ACOT12: variants seen among roughly 807,000 people sequenced by gnomAD.
ACOT12 encodes the protein acyl-CoA thioesterase 12.
In ACOT12, 51 loss-of-function variants were observed where a neutral mutation model predicts 67.7. The ratio of observed to expected loss-of-function variants is 0.75; its 90% CI spans 0.60 to 0.95. The LOEUF (loss-of-function observed/expected upper bound fraction) is 0.95, where lower values mean the gene tolerates loss of function less well. Among genes scored for constraint, ACOT12 ranks in the 40% least tolerant of loss-of-function variants. The probability of loss-of-function intolerance (pLI) is 0.00; values close to 1 mark genes in which losing one functional copy is unlikely to be tolerated. For missense variants in ACOT12, 734 were observed against 708.1 expected (o/e 1.04, Z -0.41); for synonymous variants, 251 against 244.6 (o/e 1.03, Z -0.24).
intron 5 of ACOT12, among the ~76,000 whole-genome samples, chr5:81,355,861 G>T (rs1291105554): frequency 6.6e-6 from 1 of 152,194 alleles, no homozygotes; most frequent in East Asian, 1.9e-4. Context: ...CTTGAGAGAA[G>T]TGAGTTCCTG....
At chr5:81,317,276 C>A in the ACOT12 span, among the ~76,000 whole-genome samples, 8 of 152,104 alleles carry the variant, frequency 5.3e-5, no homozygotes, top group Middle Eastern at 6.8e-3. Context: ...CTAAGGTGGG[C>A]GGATCACCTG....
At chr5:81,376,823 G>A (rs1760430309) in intron 2 of ACOT12, among the ~76,000 whole-genome samples, 2 of 152,126 alleles carry the variant, frequency 1.3e-5, no homozygotes, top group African/African-American at 4.8e-5. Flanking sequence ...CCAATGACAA[G>A]TTCTGAAATT....
chr5:81,336,903 C>T (rs188102161), intron 11 of ACOT12, among the ~76,000 whole-genome samples: 29 of 152,222 alleles, frequency 1.9e-4, no homozygotes, highest in Admixed American at 8.5e-4. Context: ...ACAAGCTGCT[C>T]AGAAAGGAAA....
At chr5:81,386,995 AT>A (rs869281800) in intron 1 of ACOT12, among the ~76,000 whole-genome samples, 1,693 of 81,272 alleles carry the variant, frequency 0.021, 4 homozygotes, top group East Asian at 0.047. Context: ...GATGAGTTCC[AT>A]TTTTTTTTTT....
intron 2 of ACOT12, among the ~76,000 whole-genome samples, chr5:81,376,287 C>G (rs1760409428): frequency 6.6e-6 from 1 of 151,786 alleles, no homozygotes; most frequent in African/African-American, 2.4e-5. Flanking sequence ...TTATTTGAAA[C>G]CAATGAGAAC....
At chr5:81,351,897 C>T (rs1759563353) in intron 5 of ACOT12, among the ~76,000 whole-genome samples, 1 of 152,100 alleles carries the variant, frequency 6.6e-6, no homozygotes, top group Admixed American at 6.5e-5. Flanking sequence ...GGAGCTTAAA[C>T]AGCACTATAG....
chr5:81,358,059 A>C (rs1759780099), intron 5 of ACOT12, among the ~76,000 whole-genome samples: 1 of 151,282 alleles, frequency 6.6e-6, no homozygotes, highest in African/African-American at 2.4e-5. Context: ...CTGTATTTTG[A>C]CATTGTCAAT....
chr5:81,313,739 T>A, the ACOT12 span, among the ~76,000 whole-genome samples: 4 of 152,228 alleles, frequency 2.6e-5, no homozygotes, highest in Non-Finnish European at 2.9e-5. Flanking sequence ...GCAAAATATT[T>A]ACCAAATAAG....
chr5:81,311,567 CCAATT>C, the ACOT12 span, among the ~76,000 whole-genome samples: 4 of 151,964 alleles, frequency 2.6e-5, no homozygotes, highest in East Asian at 7.7e-4. Context: ...TATAATAGAG[CCAATT>C]CTGTTACTTA....
intron 5 of ACOT12, among the ~76,000 whole-genome samples, chr5:81,355,515 A>G (rs75271732): frequency 0.042 from 6,331 of 152,334 alleles, 415 homozygotes; most frequent in African/African-American, 0.14. Flanking sequence ...AAATCAAAAC[A>G]ATTGAACTCA....
chr5:81,344,973 A>G lies in ACOT12; in HGVS notation c.842T>C (p.Ile281Thr), dbSNP rs766823240. ...QEWAEGRGRHINSAFLIYNAA... is the reference protein window; with the variant it reads ...QEWAEGRGRHTNSAFLIYNAA... ...ATTGTAAATGAGAAAAGCACTGTTGATGTGACGCCCTCGGCCCTCGGCCCA... is the reference window on the plus strand; with the variant it reads ...ATTGTAAATGAGAAAAGCACTGTTGGTGTGACGCCCTCGGCCCTCGGCCCA... The change falls in exon 8 of 15, where the codon ATC becomes ACC. Residue 281 changes from isoleucine to threonine, a missense_variant. Coordinates refer to ENST00000307624, the MANE Select transcript of ACOT12 (RefSeq NM_130767.3). The G allele has an allele frequency of 6.2e-7, 1 of 1,614,192 alleles. No individual in the cohort carries two copies. The highest frequency in any genetic ancestry group is 8.5e-7 in the Non-Finnish European group (1 of 1,180,034).
At chr5:81,333,752 G>C (rs1158537659) in intron 12 of ACOT12, among the ~76,000 whole-genome samples, 3 of 151,980 alleles carry the variant, frequency 2.0e-5, no homozygotes, top group African/African-American at 7.3e-5. Context: ...CATTAACCAC[G>C]ATGTATCATT....
intron 1 of ACOT12, among the ~76,000 whole-genome samples, chr5:81,387,921 T>C (rs1760773577): frequency 1.3e-5 from 2 of 152,164 alleles, no homozygotes; most frequent in South Asian, 4.1e-4. Flanking sequence ...TTATTGTTTA[T>C]ATTGGGTATC....
rs188632446 is a variant in ACOT12 at position 81,346,006 on chromosome 5, T to G, written c.654-2A>C. The G allele has an allele frequency of 7.4e-6, 12 of 1,613,458 alleles. No homozygotes were observed. In the East Asian group the frequency reaches 2.5e-4, roughly 33 times the overall value. On this transcript the variant is annotated splice_acceptor_variant, in intron 6 of 14. Coordinates refer to ENST00000307624, the MANE Select transcript of ACOT12 (RefSeq NM_130767.3). LOFTEE classifies it high-confidence loss of function. ...AAGGGATGAGCCCAACACAGGCGGC[T>G]GGGGAGACAAAGGGAGGGAGAGAGA...
chr5:81,358,885 T>C (rs1413248231), intron 5 of ACOT12, among the ~76,000 whole-genome samples: 1 of 151,942 alleles, frequency 6.6e-6, no homozygotes, highest in Non-Finnish European at 1.5e-5. Flanking sequence ...GTAATGGGTA[T>C]TGCCCTTTGA....
At chr5:81,318,233 C>T in the ACOT12 span, among the ~76,000 whole-genome samples, 1 of 152,102 alleles carries the variant, frequency 6.6e-6, no homozygotes, top group African/African-American at 2.4e-5. Flanking sequence ...GTAGGGAATC[C>T]AACATCATGT....
At chr5:81,322,987 G>C in the ACOT12 span, among the ~76,000 whole-genome samples, 2,530 of 151,738 alleles carry the variant, frequency 0.017, 65 homozygotes, top group African/African-American at 0.047. Context: ...ATGTGGGTGG[G>C]GACACAGCAA....
chr5:81,339,396 A>G (rs1759118122), intron 11 of ACOT12, among the ~76,000 whole-genome samples: 1 of 152,190 alleles, frequency 6.6e-6, no homozygotes, highest in Non-Finnish European at 1.5e-5. Flanking sequence ...TCTGGCTTTC[A>G]TCATAATTTT....
intron 4 of ACOT12, among the ~76,000 whole-genome samples, chr5:81,361,797 A>G (rs1404889249): frequency 1.3e-5 from 2 of 152,194 alleles, no homozygotes; most frequent in Non-Finnish European, 2.9e-5. Context: ...AGTCCCTTCA[A>G]TGATCTGGCC....
Sources: allele counts gnomAD v4.1 joint callset (sites outside exome capture counted in the v4.1 genomes callset), GRCh38; gene constraint gnomAD v4.1.1; transcripts MANE v1.5; gene names NCBI Gene and HGNC (gene_info 2026-07-23, HGNC 2026-07-21).